The following NHSL1 variants were observed in gnomAD, a reference collection of about 807,000 sequenced individuals.
NHSL1 encodes NHS like 1, also known as NHS-like protein 1.
Under a neutral mutation model 95.0 loss-of-function variants are expected in NHSL1, and 48 were observed. That is an observed-to-expected ratio of 0.51 (90% CI 0.40 to 0.64). The LOEUF (loss-of-function observed/expected upper bound fraction) is 0.64, where lower values mean the gene tolerates loss of function less well. Ranked by LOEUF, NHSL1 falls within the 30% of genes least tolerant of loss-of-function variation. The pLI is 0.00. For synonymous variants in NHSL1, 783 were observed against 833.9 expected, an observed-to-expected ratio of 0.94 and a Z score of 1.05; for missense variants, 1,971 against 2,077.7, an observed-to-expected ratio of 0.95 and a Z score of 1.00.
chr6:138,597,051 C>A (rs1179316514), intron 1 of NHSL1, among the ~76,000 whole-genome samples: 1 of 152,108 alleles, frequency 6.6e-6, no homozygotes, highest in African/African-American at 2.4e-5. Flanking sequence ...ATCCCAGATA[C>A]TCAGGAGGCT....
At chr6:138,437,391 T>TATATATACAC (rs774855766) in intron 5 of NHSL1, among the ~76,000 whole-genome samples, 2 of 58,382 alleles carry the variant, frequency 3.4e-5, no homozygotes, top group African/African-American at 1.4e-4. Context: ...TATATACACA[T>TATATATACAC]ATATATATAT....
upstream of NHSL1, among the ~76,000 whole-genome samples, chr6:138,503,446 TA>T (rs1300660084): frequency 5.3e-5 from 8 of 152,164 alleles, no homozygotes; most frequent in Admixed American, 3.3e-4. Context: ...TTTTTTAAAG[TA>T]AAAGAAGAAG....
Position 138,433,023 on chromosome 6 carries a change from G to T in NHSL1, c.1322C>A (p.Ser441Tyr). 1 of 1,551,616 alleles carries T rather than the reference G, an allele frequency of 6.4e-7. No individual in the cohort carries two copies. The highest frequency in any genetic ancestry group is 8.7e-7 in the Non-Finnish European group (1 of 1,146,996). Residue 441 changes from serine (S) to tyrosine (Y), a missense_variant, in exon 6 of 8, where the codon TCT becomes TAT. Around this residue, in one of 3 missense-constraint regions of NHSL1, gnomAD observed 1,602 missense variants for 1,654.5 expected, o/e 0.97. Coordinates refer to ENST00000343505, the MANE Select transcript of NHSL1 (RefSeq NM_001144060.2). ...QSAGQRESKS[S>Y]GSSHARIKSR... is the part of the protein sequence containing the mutation. The stretch of plus-strand genomic sequence containing the variant: ...TTTTATCCTTGCATGTGATGAGCCA[G>T]AACTTTTACTTTCCCGCTGTCCCGC...
intron 1 of NHSL1, among the ~76,000 whole-genome samples, chr6:138,616,843 G>T (rs989651140): frequency 6.6e-6 from 1 of 152,186 alleles, no homozygotes; most frequent in Non-Finnish European, 1.5e-5. Context: ...AAACACAATG[G>T]ACTCAAGTTA....
chr6:138,561,526 G>A (rs887867544), intron 1 of NHSL1, among the ~76,000 whole-genome samples: 1 of 152,176 alleles, frequency 6.6e-6, no homozygotes, highest in Non-Finnish European at 1.5e-5. Context: ...GAAACGCCCT[G>A]TAGGCCAGGT....
In NHSL1 at chr6:138,581,959, G is replaced by A. The variant is rs566242321; in HGVS notation, c.97-85588C>T. On this transcript the variant is annotated intron_variant, in intron 1 of 3. Coordinates refer to the NHSL1 transcript ENST00000491526. ...GTTGCTTAGGCTGGAGTGCAGTGGC[G>A]CGATCTCGGCCACTGCAGCCTCTGC... Among the ~76,000 whole-genome samples the A allele has an allele frequency of 1.2e-4, 18 of 148,084 alleles. No homozygotes were observed. In the East Asian group the frequency reaches 1.8e-3, roughly 15 times the overall value.
intron 3 of NHSL1, among the ~76,000 whole-genome samples, chr6:138,448,790 C>A (rs550609972): frequency 1.3e-5 from 2 of 152,166 alleles, no homozygotes; most frequent in Non-Finnish European, 2.9e-5. Context: ...CGATGGCTCA[C>A]GCCTGTAATC....
chr6:138,652,244 C>T (rs1046110890), intron 1 of NHSL1, among the ~76,000 whole-genome samples: 6 of 151,800 alleles, frequency 4.0e-5, no homozygotes, highest in Admixed American at 1.3e-4. Context: ...GAGTTCGAGA[C>T]CAGCCTGACC....
At position 138,439,853 on chromosome 6, in the gene NHSL1, G is replaced by A. The variant is rs148403249; in HGVS notation, c.664+2130C>T. Among the ~76,000 whole-genome samples, 21 of 152,004 alleles carry A rather than the reference G, an allele frequency of 1.4e-4. No homozygotes were observed. In the East Asian group the frequency reaches 3.7e-3, roughly 27 times the overall value. ...CATGTCACATGTAAAAGAAATGAAC[G>A]TGGATTCCAGAGATTTTAATCACTG... On this transcript the variant is annotated intron_variant, in intron 5 of 7. Transcript: ENST00000343505.
intron 3 of NHSL1, among the ~76,000 whole-genome samples, chr6:138,471,760 G>T (rs367933267): frequency 2.4e-4 from 36 of 151,314 alleles, no homozygotes; most frequent in Admixed American, 5.9e-4. Flanking sequence ...ATGTCTTGCC[G>T]TAAAAAAAAA....
intron 1 of NHSL1, among the ~76,000 whole-genome samples, chr6:138,668,504 C>T (rs1379353880): frequency 6.6e-6 from 1 of 151,890 alleles, no homozygotes; most frequent in Non-Finnish European, 1.5e-5. Context: ...ACCATATATA[C>T]ATTATCAAAA....
intron 1 of NHSL1, among the ~76,000 whole-genome samples, chr6:138,524,681 C>T (rs1372823306): frequency 4.6e-5 from 7 of 151,978 alleles, no homozygotes; most frequent in Admixed American, 2.6e-4. Flanking sequence ...TTAAGTATCT[C>T]GTTATGGTGG....
chr6:138,491,087 G>T (rs530059220), intron 2 of NHSL1, among the ~76,000 whole-genome samples: 1 of 152,036 alleles, frequency 6.6e-6, no homozygotes, highest in Admixed American at 6.5e-5. Flanking sequence ...AATGACATAG[G>T]CCAGATTCAA....
chr6:138,613,777 G>A (rs1477274240), intron 1 of NHSL1, among the ~76,000 whole-genome samples: 1 of 152,206 alleles, frequency 6.6e-6, no homozygotes, highest in Non-Finnish European at 1.5e-5. Flanking sequence ...AATAGGAGAG[G>A]GGAAGCGAAT....
chr6:138,464,925 T>C (rs144352533), intron 3 of NHSL1, among the ~76,000 whole-genome samples: 1,796 of 151,546 alleles, frequency 0.012, 14 homozygotes, highest in South Asian at 0.045. Flanking sequence ...GTTGTCCAGG[T>C]TGGTCTCAAA....
intron 7 of NHSL1, among the ~76,000 whole-genome samples, chr6:138,428,603 C>T (rs963185765): frequency 3.9e-5 from 6 of 152,164 alleles, no homozygotes; most frequent in African/African-American, 1.4e-4. Flanking sequence ...TCACCGGCTT[C>T]GTTCCCCCCA....
At chr6:138,490,846 A>T (rs150628327) in intron 2 of NHSL1, among the ~76,000 whole-genome samples, 1 of 152,050 alleles carries the variant, frequency 6.6e-6, no homozygotes, top group Non-Finnish European at 1.5e-5. Flanking sequence ...GTTGGCCAGG[A>T]TGGTATCTAT....
upstream of NHSL1, among the ~76,000 whole-genome samples, chr6:138,575,405 G>C (rs1193416898): frequency 6.6e-6 from 1 of 152,150 alleles, no homozygotes; most frequent in African/African-American, 2.4e-5. Context: ...CAGCCAAAAT[G>C]ATAACTAGTC....
chr6:138,579,873 A>T (rs1784026799), intron 1 of NHSL1, among the ~76,000 whole-genome samples: 1 of 152,246 alleles, frequency 6.6e-6, no homozygotes, highest in Non-Finnish European at 1.5e-5. Context: ...TATAGTGCTT[A>T]CACCGAATAT....
Sources: allele counts gnomAD v4.1 joint callset (sites outside exome capture counted in the v4.1 genomes callset), GRCh38; gene constraint gnomAD v4.1.1; regional missense constraint gnomAD v4.1.1; transcripts MANE v1.5; gene names NCBI Gene and HGNC (gene_info 2026-07-23, HGNC 2026-07-21).